FGGY: variants seen among roughly 807,000 people sequenced by gnomAD.
FGGY encodes the protein FGGY carbohydrate kinase domain-containing protein.
A neutral mutation model predicts 71.3 loss-of-function variants in FGGY; 72 were observed. The observed-to-expected ratio is 1.01, with a 90% confidence interval of 0.84 to 1.23. The LOEUF (loss-of-function observed/expected upper bound fraction) is 1.23, where lower values mean the gene tolerates loss of function less well. Among genes scored for constraint, FGGY ranks in the 50% most tolerant of loss-of-function variants. The probability of loss-of-function intolerance (pLI) is 0.00; values close to 1 mark genes in which losing one functional copy is unlikely to be tolerated. For synonymous variants in FGGY, 251 were observed against 250.3 expected, an observed-to-expected ratio of 1.00 and a Z score of -0.02; for missense variants, 668 against 682.3, an observed-to-expected ratio of 0.98 and a Z score of 0.23.
chr1:59,457,722 C>G (rs142587143), intron 6 of FGGY, among the ~76,000 whole-genome samples: 1 of 151,818 alleles, frequency 6.6e-6, no homozygotes, highest in Non-Finnish European at 1.5e-5. Flanking sequence ...GTCAGTACTA[C>G]GAAAATAATT....
intron 9 of FGGY, 62 bp from the exon 10 acceptor site, chr1:59,625,926 T>G (rs1451486151): frequency 7.8e-7 from 1 of 1,285,936 alleles, no homozygotes; most frequent in Non-Finnish European, 1.1e-6. Flanking sequence ...TAATATAAAT[T>G]TTTCTATCTT....
chr1:59,452,218 A>G (rs894013746), intron 5 of FGGY, among the ~76,000 whole-genome samples: 38 of 151,886 alleles, frequency 2.5e-4, no homozygotes, highest in Non-Finnish European at 5.1e-4. Flanking sequence ...ATCTCTTTGT[A>G]TCTTTGCTAC....
chr1:59,655,901 C>T (rs1311715341), intron 11 of FGGY, among the ~76,000 whole-genome samples: 1 of 152,128 alleles, frequency 6.6e-6, no homozygotes, highest in South Asian at 2.1e-4. Flanking sequence ...GAGAAAATGT[C>T]AATATTTAAA....
chr1:59,738,962 G>A (rs1205848660), intron 14 of FGGY, among the ~76,000 whole-genome samples: 1 of 152,190 alleles, frequency 6.6e-6, no homozygotes. Context: ...CATTCTCTCT[G>A]CCTTTCCTGC....
chr1:59,712,360 G>T (rs1470862266), intron 14 of FGGY, among the ~76,000 whole-genome samples: 1 of 152,160 alleles, frequency 6.6e-6, no homozygotes, highest in Non-Finnish European at 1.5e-5. Flanking sequence ...TTCCAGGCGT[G>T]CAGTGCAAGC....
At chr1:59,388,546 G>A (rs564417142) in intron 5 of FGGY, among the ~76,000 whole-genome samples, 14 of 152,158 alleles carry the variant, frequency 9.2e-5, no homozygotes, top group South Asian at 4.2e-4. Flanking sequence ...ACCTTAATAC[G>A]TGCCTGCCTG....
At chr1:59,607,989 C>T (rs1572025351) in intron 9 of FGGY, 79 bp downstream of exon 9, 6 of 1,169,820 alleles carry the variant, frequency 5.1e-6, no homozygotes, top group Non-Finnish European at 6.3e-6. Flanking sequence ...GACCCATATA[C>T]CCAATATCTG....
chr1:59,641,065 A>C (rs867609568), intron 11 of FGGY, among the ~76,000 whole-genome samples: 11 of 150,826 alleles, frequency 7.3e-5, no homozygotes, highest in African/African-American at 2.7e-4. Context: ...CGGTCAGGAA[A>C]GCTCCAGACA....
chr1:59,372,301 A>T (rs1313625034), intron 4 of FGGY, among the ~76,000 whole-genome samples: 1 of 152,252 alleles, frequency 6.6e-6, no homozygotes, highest in African/African-American at 2.4e-5. Flanking sequence ...ATAAACTAGA[A>T]AATCTAGAAG....
chr1:59,327,528 CAA>C (rs2047663454), intron 2 of FGGY, among the ~76,000 whole-genome samples: 1 of 152,170 alleles, frequency 6.6e-6, no homozygotes, highest in Admixed American at 6.5e-5. Context: ...TTGAGCCACT[CAA>C]AGTCATTCAT....
chr1:59,650,099 C>G lies in FGGY; in HGVS notation c.1222-10120C>G, dbSNP rs1426837401. Among the ~76,000 whole-genome samples the G allele has an allele frequency of 2.7e-5, 4 of 148,486 alleles. No homozygotes were observed. The East Asian group carries it at 7.7e-4, about 29-fold the overall frequency. On this transcript the variant is annotated intron_variant, in intron 11 of 15. Coordinates refer to ENST00000303721, the MANE Select transcript of FGGY (RefSeq NM_018291.5). ...ACCAGCCTTGATCCCAGGGATGAAG[C>G]CCACTTGATCATGGTGGATAAGCTT...
intron 8 of FGGY, among the ~76,000 whole-genome samples, chr1:59,601,069 A>C (rs1160834394): frequency 2.0e-5 from 3 of 149,300 alleles, no homozygotes; most frequent in Non-Finnish European, 4.4e-5. Flanking sequence ...AGACGATAGC[A>C]CCGTCCATTT....
At chr1:59,703,654 G>T (rs2097728685) in intron 14 of FGGY, among the ~76,000 whole-genome samples, 1 of 152,332 alleles carries the variant, frequency 6.6e-6, no homozygotes, top group South Asian at 2.1e-4. Flanking sequence ...GAATAGGAAG[G>T]CTAGTCTTGT....
intron 4 of FGGY, among the ~76,000 whole-genome samples, chr1:59,372,430 C>G (rs908246034): frequency 1.3e-5 from 2 of 152,126 alleles, no homozygotes; most frequent in Admixed American, 6.5e-5. Context: ...GCTTACCAAC[C>G]AAAAAGAGTC....
Position 59,675,035 on chromosome 1 carries a change from C to A in FGGY, c.1512+902C>A, listed in dbSNP as rs141907460. Among the ~76,000 whole-genome samples the A allele has an allele frequency of 3.5e-3, 538 of 152,288 alleles. 7 individuals carry two copies. Among genetic ancestry groups the A allele is most frequent in the African/African-American group, 0.012 (514 of 41,562 alleles). Reference sequence around the variant, plus strand: ...GTCAAGCATGCTCATTTAGTCCCTGCAATAGCTCTATTATCCCCATTTTAT... The same window carrying A: ...GTCAAGCATGCTCATTTAGTCCCTGAAATAGCTCTATTATCCCCATTTTAT... On this transcript the variant is annotated intron_variant, in intron 14 of 15. Coordinates refer to ENST00000303721, the MANE Select transcript of FGGY (RefSeq NM_018291.5).
intron 6 of FGGY, among the ~76,000 whole-genome samples, chr1:59,478,353 A>G (rs2093347603): frequency 6.6e-6 from 1 of 152,136 alleles, no homozygotes; most frequent in South Asian, 2.1e-4. Flanking sequence ...TCTATAGTAG[A>G]TTTATAAACT....
At chr1:59,402,056 G>A (rs1022731866) in intron 5 of FGGY, among the ~76,000 whole-genome samples, 3 of 152,222 alleles carry the variant, frequency 2.0e-5, no homozygotes, top group African/African-American at 7.2e-5. Context: ...TCTGACTGCA[G>A]AGGTAAATTG....
At chr1:59,646,157 C>T (rs917127105) in intron 11 of FGGY, among the ~76,000 whole-genome samples, 1 of 152,168 alleles carries the variant, frequency 6.6e-6, no homozygotes, top group African/African-American at 2.4e-5. Flanking sequence ...AGGTTGCACC[C>T]CTGTGGCTTT....
At chr1:59,457,515 G>A (rs1399921866) in intron 6 of FGGY, among the ~76,000 whole-genome samples, 1 of 152,126 alleles carries the variant, frequency 6.6e-6, no homozygotes, top group East Asian at 1.9e-4. Context: ...GGAGGCTGAG[G>A]TGGGGGGATT....
Sources: allele counts gnomAD v4.1 joint callset (sites outside exome capture counted in the v4.1 genomes callset), GRCh38; gene constraint gnomAD v4.1.1; transcripts MANE v1.5; gene names NCBI Gene and HGNC (gene_info 2026-07-23, HGNC 2026-07-21).